TPTE: variants seen among roughly 807,000 people sequenced by gnomAD.
TPTE encodes putative tyrosine-protein phosphatase TPTE.
TPTE carries 59 observed loss-of-function variants against 84.1 expected under a neutral mutation model. The observed-to-expected ratio is 0.70, with a 90% CI of 0.57 to 0.87. The LOEUF is 0.87. Ranked by LOEUF, TPTE falls within the 40% of genes least tolerant of loss-of-function variation. The pLI, the probability that TPTE is intolerant of heterozygous loss-of-function variation, is 0.00. For synonymous variants in TPTE, 130 were observed against 223.5 expected (o/e 0.58, Z 3.73); for missense variants, 382 against 659.6 (o/e 0.58, Z 4.61).
At chr21:10,556,716 T>G (rs1255699929) in intron 8 of TPTE, among the ~76,000 whole-genome samples, 2 of 152,312 alleles carry the variant, frequency 1.3e-5, no homozygotes, top group East Asian at 3.8e-4. Flanking sequence ...GTTTCTTGAC[T>G]TTTTAATAAT....
chr21:10,603,538 T>C, intron 22 of TPTE, 24 bp from the exon 23 acceptor site: 1 of 1,603,502 alleles, frequency 6.2e-7, no homozygotes, highest in Non-Finnish European at 8.5e-7. Flanking sequence ...TCAGTTTTAC[T>C]TTGAAATTTT....
intron 14 of TPTE, among the ~76,000 whole-genome samples, chr21:10,574,237 C>T (rs956673150): frequency 6.6e-6 from 1 of 152,310 alleles, no homozygotes; most frequent in African/African-American, 2.4e-5. Flanking sequence ...ACTTATTATA[C>T]CTCAATAAAA....
chr21:10,532,862 GA>G (rs1243542593), intron 3 of TPTE, among the ~76,000 whole-genome samples: 1 of 152,304 alleles, frequency 6.6e-6, no homozygotes, highest in African/African-American at 2.4e-5. Context: ...TTATCCTGTG[GA>G]AGCTTTCTTT....
At chr21:10,582,165 A>G (rs1379570616) in intron 17 of TPTE, among the ~76,000 whole-genome samples, 2 of 151,636 alleles carry the variant, frequency 1.3e-5, no homozygotes, top group Non-Finnish European at 2.9e-5. Flanking sequence ...CATTTCTTCA[A>G]AAATATTCAA....
rs540146073 is a variant in TPTE at position 10,546,696 on chromosome 21, G to A, written c.173+3314G>A. On this transcript the variant is annotated intron_variant, in intron 7 of 23. Coordinates refer to ENST00000618007, the MANE Select transcript of TPTE (RefSeq NM_199261.4). The stretch of plus-strand genomic sequence containing the variant: ...AGAATGTTGTAGTGGTCTGGATAAA[G>A]GATCAAACCGGCCACAGCATTCCCT... Among the ~76,000 whole-genome samples, 11 of 152,418 alleles carry A rather than the reference G, an allele frequency of 7.2e-5. No individual in the cohort carries two copies. In the East Asian group the frequency reaches 1.9e-3, roughly 27 times the overall value.
chr21:10,543,491 T>A, intron 7 of TPTE, 109 bp downstream of exon 7: 1 of 1,586,142 alleles, frequency 6.3e-7, no homozygotes, highest in South Asian at 1.1e-5. Context: ...ATACACACTT[T>A]TGTCAACACA....
At chr21:10,559,651 A>T in intron 9 of TPTE, 107 bp downstream of exon 9, 1 of 1,579,846 alleles carries the variant, frequency 6.3e-7, no homozygotes. Flanking sequence ...AGGCGGGCGG[A>T]TCACATGAAG....
chr21:10,529,474 C>G lies in TPTE; in HGVS notation c.-44+2062C>G, dbSNP rs370436073. Reference sequence around the variant, plus strand: ...AGACTGTGAGATTAAAATGTCTGTTCACTCTAAAATCTCAGCATTCACTTT... The same window carrying G: ...AGACTGTGAGATTAAAATGTCTGTTGACTCTAAAATCTCAGCATTCACTTT... On this transcript the variant is annotated intron_variant, in intron 3 of 23. Transcript: ENST00000618007. Among the ~76,000 whole-genome samples the G allele has an allele frequency of 1.6e-4, 25 of 152,412 alleles. No homozygotes were observed. The South Asian group carries it at 2.3e-3, about 14-fold the overall frequency.
intron 8 of TPTE, among the ~76,000 whole-genome samples, chr21:10,554,593 T>C (rs1438819908): frequency 2.0e-5 from 3 of 152,302 alleles, no homozygotes; most frequent in Non-Finnish European, 4.4e-5. Context: ...TTATGTAATA[T>C]AAGCAATTTC....
At chr21:10,555,335 T>G (rs1394361692) in intron 8 of TPTE, among the ~76,000 whole-genome samples, 1 of 152,308 alleles carries the variant, frequency 6.6e-6, no homozygotes, top group African/African-American at 2.4e-5. Context: ...GCCTCCTGAG[T>G]AGCTGGGACT....
At chr21:10,530,698 A>G (rs2074162529) in intron 3 of TPTE, among the ~76,000 whole-genome samples, 1 of 152,308 alleles carries the variant, frequency 6.6e-6, no homozygotes, top group Non-Finnish European at 1.5e-5. Flanking sequence ...TTGATGGGCC[A>G]TGGGATTGCA....
intron 7 of TPTE, among the ~76,000 whole-genome samples, chr21:10,544,274 G>A (rs1189493117): frequency 1.3e-5 from 2 of 152,426 alleles, no homozygotes; most frequent in African/African-American, 4.8e-5. Context: ...TGCTCATTAA[G>A]CAATAGCATG....
At chr21:10,529,670 A>C (rs1217071422) in intron 3 of TPTE, among the ~76,000 whole-genome samples, 1 of 152,304 alleles carries the variant, frequency 6.6e-6, no homozygotes, top group East Asian at 1.9e-4. Context: ...TCTATTGAAT[A>C]TTACACTGTT....
chr21:10,587,895 G>A (rs1405678729), intron 17 of TPTE, among the ~76,000 whole-genome samples: 1 of 152,308 alleles, frequency 6.6e-6, no homozygotes, highest in Non-Finnish European at 1.5e-5. Flanking sequence ...TGTCACCCAG[G>A]CTGGAATGCA....
intron 17 of TPTE, among the ~76,000 whole-genome samples, chr21:10,589,529 C>T (rs137865643): frequency 7.2e-5 from 11 of 152,380 alleles, no homozygotes; most frequent in African/African-American, 2.4e-4. Flanking sequence ...GGGAAGATTC[C>T]CCCAGTGTTG....
intron 3 of TPTE, among the ~76,000 whole-genome samples, chr21:10,529,396 C>T (rs563130902): frequency 2.0e-5 from 3 of 152,426 alleles, no homozygotes; most frequent in Admixed American, 6.5e-5. Flanking sequence ...GAATGTCTAA[C>T]AGCTACTTTT....
chr21:10,556,873 A>T (rs2145662785), intron 8 of TPTE, among the ~76,000 whole-genome samples: 1 of 152,422 alleles, frequency 6.6e-6, no homozygotes, highest in East Asian at 1.9e-4. Flanking sequence ...TCCTTTGCCC[A>T]CTTTTTGATG....
intron 7 of TPTE, among the ~76,000 whole-genome samples, chr21:10,548,588 C>T (rs1334369157): frequency 6.6e-5 from 10 of 152,416 alleles, no homozygotes; most frequent in Admixed American, 6.5e-4. Context: ...CTACCCCCAG[C>T]AGACACATAT....
rs111408957 is a variant in TPTE at position 10,604,610 on chromosome 21, GTT to G, written c.1521-797_1521-796del. Among the ~76,000 whole-genome samples the G allele has an allele frequency of 3.7e-3, 551 of 149,538 alleles. No individual in the cohort carries two copies. The East Asian group carries it at 0.043, about 12-fold the overall frequency. ...TGTATTTGATGGAAATTTTTTACAAGTTTTTTTTTTTGGATGCATACAAACAA... is the reference window on the plus strand; with the variant it reads ...TGTATTTGATGGAAATTTTTTACAAGTTTTTTTTTGGATGCATACAAACAA... On this transcript the variant is annotated intron_variant, in intron 23 of 23. Transcript: ENST00000618007.
Sources: gnomAD v4.1 joint callset for allele counts (sites outside exome capture counted in the v4.1 genomes callset) on GRCh38, gnomAD v4.1.1 for gene constraint, MANE v1.5 for transcripts, NCBI Gene and HGNC (gene_info 2026-07-23, HGNC 2026-07-21) for gene names.